The following CDKAL1 variants were observed in gnomAD, a reference collection of about 807,000 sequenced individuals.
The protein encoded by CDKAL1 is CDKAL1 threonylcarbamoyladenosine tRNA methylthiotransferase.
CDKAL1 carries 32 observed loss-of-function variants against 68.2 expected under a neutral mutation model. The ratio of observed to expected loss-of-function variants is 0.47; its 90% CI spans 0.35 to 0.63. The LOEUF is 0.63. Ranked by LOEUF, CDKAL1 falls within the 30% of genes least tolerant of loss-of-function variation. The pLI is 0.00. For synonymous variants in CDKAL1, 234 were observed against 244.3 expected (o/e 0.96, Z 0.39); for missense variants, 606 against 696.7 (o/e 0.87, Z 1.47).
chr6:20,992,925 A>C (rs1266884742), intron 10 of CDKAL1, among the ~76,000 whole-genome samples: 1 of 151,908 alleles, frequency 6.6e-6, no homozygotes, highest in Admixed American at 6.6e-5. Context: ...AAAAGAAATA[A>C]ATCCTTAGAT....
chr6:20,895,048 G>A lies in CDKAL1; in HGVS notation c.742+48870G>A, dbSNP rs147554591. Among the ~76,000 whole-genome samples the A allele has an allele frequency of 2.0e-3, 306 of 152,176 alleles. 1 individual carries two copies. Among genetic ancestry groups the A allele is most frequent in the African/African-American group, 3.3e-3 (139 of 41,532 alleles). On this transcript the variant is annotated intron_variant, in intron 9 of 15. Coordinates refer to ENST00000274695, the MANE Select transcript of CDKAL1 (RefSeq NM_017774.3). ...TGCTCTACCAGAAGTAACTGCTGCC[G>A]TGAATCTGTTGTGTATCTTTTTTCT...
chr6:21,012,382 C>CT (rs1374393880), intron 11 of CDKAL1, among the ~76,000 whole-genome samples: 1 of 152,144 alleles, frequency 6.6e-6, no homozygotes, highest in Non-Finnish European at 1.5e-5. Flanking sequence ...AGAACTTACT[C>CT]TAAGAGAGAG....
At chr6:20,969,650 G>T (rs1240386220) in intron 10 of CDKAL1, among the ~76,000 whole-genome samples, 1 of 152,146 alleles carries the variant, frequency 6.6e-6, no homozygotes, top group Non-Finnish European at 1.5e-5. Context: ...TAAATGCCTG[G>T]AACTAGTAAG....
chr6:20,960,733 T>G (rs1361823394), intron 10 of CDKAL1, among the ~76,000 whole-genome samples: 1 of 152,196 alleles, frequency 6.6e-6, no homozygotes, highest in Admixed American at 6.5e-5. Context: ...GAGCATCCAG[T>G]TTTGGAAGAG....
intron 8 of CDKAL1, among the ~76,000 whole-genome samples, chr6:20,840,713 T>A (rs1778141509): frequency 6.6e-6 from 1 of 152,234 alleles, no homozygotes; most frequent in Non-Finnish European, 1.5e-5. Context: ...GGTATTATGT[T>A]ATCATTTGAA....
intron 14 of CDKAL1, among the ~76,000 whole-genome samples, chr6:21,199,621 G>A (rs1290239196): frequency 1.3e-5 from 2 of 152,038 alleles, no homozygotes; most frequent in South Asian, 2.1e-4. Flanking sequence ...TAAAGCAGTC[G>A]GGCTTTTTCC....
chr6:20,759,169 C>A (rs1774361047), intron 7 of CDKAL1, among the ~76,000 whole-genome samples: 1 of 152,030 alleles, frequency 6.6e-6, no homozygotes, highest in African/African-American at 2.4e-5. Flanking sequence ...TCATAGTTTT[C>A]TTTTTTAAAT....
intron 11 of CDKAL1, among the ~76,000 whole-genome samples, chr6:21,051,145 C>T (rs778613738): frequency 4.6e-5 from 7 of 152,112 alleles, no homozygotes; most frequent in East Asian, 3.8e-4. Context: ...CACTTGAGCT[C>T]AGGAATTCAG....
chr6:20,679,932 C>T (rs1230189151), intron 5 of CDKAL1, among the ~76,000 whole-genome samples: 2 of 151,974 alleles, frequency 1.3e-5, no homozygotes, highest in Non-Finnish European at 2.9e-5. Context: ...TCTTGAATTA[C>T]AATCTTAAAT....
chr6:20,921,180 C>T (rs6913658), intron 9 of CDKAL1, among the ~76,000 whole-genome samples: 51,164 of 151,994 alleles, frequency 0.34, 8,952 homozygotes, highest in South Asian at 0.41. Context: ...CCTGTAATCT[C>T]AGCACTTTGG....
At chr6:20,711,409 A>T (rs186334046) in intron 5 of CDKAL1, among the ~76,000 whole-genome samples, 1 of 152,324 alleles carries the variant, frequency 6.6e-6, no homozygotes, top group East Asian at 1.9e-4. Flanking sequence ...GTAATATAGT[A>T]AAAAGAGTTT....
Position 20,739,512 on chromosome 6 carries a change from CT to C in CDKAL1, c.372-3del. 3 of 1,588,722 alleles carry C rather than the reference CT, an allele frequency of 1.9e-6. No individual in the cohort carries two copies. The highest frequency in any genetic ancestry group is 1.7e-6 in the Non-Finnish European group (2 of 1,159,508). ...GAATTCACATTGTCTTCTCTTCAAT[CT>C]TTTAGAAAAGCTCAAGAGGAGAACA... On this transcript the variant is annotated splice_polypyrimidine_tract_variant and splice_region_variant and intron_variant, in intron 5 of 15. Transcript: ENST00000274695.
chr6:20,943,343 A>AG (rs1384221890), intron 9 of CDKAL1, among the ~76,000 whole-genome samples: 5 of 73,178 alleles, frequency 6.8e-5, no homozygotes, highest in African/African-American at 2.7e-4. Context: ...AAAAAAAAAA[A>AG]AGAAAAAGAA....
chr6:20,788,234 G>A (rs1272701706), intron 8 of CDKAL1, among the ~76,000 whole-genome samples: 9 of 152,196 alleles, frequency 5.9e-5, no homozygotes, highest in Admixed American at 3.3e-4. Context: ...GTGTGACTGT[G>A]CCTAACAGTT....
At chr6:20,810,141 TAGAAAG>T (rs1197891443) in intron 8 of CDKAL1, among the ~76,000 whole-genome samples, 1 of 151,976 alleles carries the variant, frequency 6.6e-6, no homozygotes, top group Non-Finnish European at 1.5e-5. Flanking sequence ...TTCAAACACA[TAGAAAG>T]AGAAGATGGT....
chr6:20,766,121 C>A (rs1048446634), intron 7 of CDKAL1, among the ~76,000 whole-genome samples: 1 of 152,136 alleles, frequency 6.6e-6, no homozygotes, highest in Non-Finnish European at 1.5e-5. Context: ...AATGGTCTTA[C>A]ATGCTTTTTG....
intron 7 of CDKAL1, among the ~76,000 whole-genome samples, chr6:20,764,960 G>A (rs371545664): frequency 3.9e-5 from 6 of 152,054 alleles, no homozygotes; most frequent in African/African-American, 1.2e-4. Flanking sequence ...CAGTCTCATC[G>A]GTGTAAGTAA....
chr6:20,953,420 T>C (rs1204708134), intron 9 of CDKAL1, among the ~76,000 whole-genome samples: 2 of 152,228 alleles, frequency 1.3e-5, no homozygotes, highest in African/African-American at 4.8e-5. Context: ...ATTAAAATTA[T>C]TCTGTTCATT....
intron 8 of CDKAL1, among the ~76,000 whole-genome samples, chr6:20,840,277 T>A (rs1778122668): frequency 6.6e-6 from 1 of 152,210 alleles, no homozygotes; most frequent in African/African-American, 2.4e-5. Context: ...CACTGGCCAC[T>A]TCTCCCCTCA....
Sources: gnomAD v4.1 joint callset for allele counts (sites outside exome capture counted in the v4.1 genomes callset) on GRCh38, gnomAD v4.1.1 for gene constraint, MANE v1.5 for transcripts, NCBI Gene and HGNC (gene_info 2026-07-23, HGNC 2026-07-21) for gene names.